The following CDH18 variants were observed in gnomAD, a reference collection of about 807,000 sequenced individuals.
CDH18 encodes the protein cadherin 18.
In CDH18, 31 loss-of-function variants were observed where a neutral mutation model predicts 67.9. The ratio of observed to expected loss-of-function variants is 0.46; its 90% CI spans 0.34 to 0.62. The LOEUF (loss-of-function observed/expected upper bound fraction) is 0.62. Ranked by LOEUF, CDH18 falls within the 20% of genes least tolerant of loss-of-function variation. The pLI, the probability that CDH18 is intolerant of heterozygous loss-of-function variation, is 0.01. For missense variants in CDH18, 890 were observed against 975.5 expected, an observed-to-expected ratio of 0.91 and a Z score of 1.17; for synonymous variants, 362 against 347.2, an observed-to-expected ratio of 1.04 and a Z score of -0.48.
At position 19,761,537 on chromosome 5, in the gene CDH18, T is replaced by C. The variant is rs143437751; in HGVS notation, c.229-14301A>G. On this transcript the variant is annotated intron_variant, in intron 3 of 12. Transcript: ENST00000382275. ...TCCTTAGCATTTCTGGGTCTAATCA[T>C]ATTAGGCATCTAACTGCAGAAACCC... Among the ~76,000 whole-genome samples the C allele has an allele frequency of 3.8e-3, 585 of 152,086 alleles. 3 individuals are homozygous for C. The highest frequency in any genetic ancestry group is 0.013 in the African/African-American group (559 of 41,480).
intron 1 of CDH18, among the ~76,000 whole-genome samples, chr5:20,296,977 A>C (rs1747589539): frequency 1.3e-5 from 2 of 151,850 alleles, no homozygotes; most frequent in African/African-American, 2.4e-5. Context: ...CTGTAAATTT[A>C]TTTTATATTT....
chr5:19,844,189 A>G (rs6883590), intron 2 of CDH18, among the ~76,000 whole-genome samples: 124,352 of 152,056 alleles, frequency 0.82, 52,184 homozygotes, highest in Non-Finnish European at 0.91. Context: ...CAAGATTTGC[A>G]AGGGGTCAGG....
chr5:20,333,165 T>C (rs1739341803), intron 1 of CDH18, among the ~76,000 whole-genome samples: 1 of 151,938 alleles, frequency 6.6e-6, no homozygotes, highest in South Asian at 2.1e-4. Context: ...ACAACATTGA[T>C]AGGAAGTTTA....
At chr5:19,772,514 A>AG (rs1296531398) in intron 3 of CDH18, among the ~76,000 whole-genome samples, 1 of 152,172 alleles carries the variant, frequency 6.6e-6, no homozygotes, top group Admixed American at 6.5e-5. Flanking sequence ...CTGAAAAAAA[A>AG]CAGAATCTCC....
In CDH18 at chr5:19,585,659, G is replaced by A. The variant is rs144012547; in HGVS notation, c.999+5398C>T. On this transcript the variant is annotated intron_variant, in intron 7 of 12. Coordinates refer to ENST00000382275, the MANE Select transcript of CDH18 (RefSeq NM_004934.5). Reference sequence around the variant, plus strand: ...TGTCTGTATTGAGCTTTTTGTCCCTGTGCATAGAAACACTCTTGTCTCCCA... The same window carrying A: ...TGTCTGTATTGAGCTTTTTGTCCCTATGCATAGAAACACTCTTGTCTCCCA... 2.6e-3 allele frequency among the ~76,000 whole-genome samples: 398 copies of A among 152,152 alleles called. 5 individuals are homozygous for A. Among genetic ancestry groups the A allele is most frequent in the Non-Finnish European group, 6.6e-4 (45 of 67,996 alleles).
chr5:19,811,068 G>T (rs760159908), intron 3 of CDH18, among the ~76,000 whole-genome samples: 2 of 133,364 alleles, frequency 1.5e-5, no homozygotes, highest in Non-Finnish European at 3.2e-5. Context: ...AAAGGGAAGG[G>T]AGAAAGAGAA....
chr5:20,172,931 A>G (rs1034856051), intron 2 of CDH18, among the ~76,000 whole-genome samples: 9 of 151,828 alleles, frequency 5.9e-5, no homozygotes, highest in Non-Finnish European at 1.3e-4. Context: ...CGGAGGTTGC[A>G]GTGAGCCGAG....
At chr5:19,994,855 T>TATATATATATATAGAGAGAGAG (rs760777430) in intron 2 of CDH18, among the ~76,000 whole-genome samples, 3 of 67,586 alleles carry the variant, frequency 4.4e-5, no homozygotes, top group African/African-American at 7.4e-5. Flanking sequence ...TATATATATA[T>TATATATATATATAGAGAGAGAG]AGAGAGAGAG....
At chr5:19,505,081 T>C (rs1189751486) in intron 10 of CDH18, among the ~76,000 whole-genome samples, 1 of 152,138 alleles carries the variant, frequency 6.6e-6, no homozygotes, top group Non-Finnish European at 1.5e-5. Context: ...ACAGATAATT[T>C]CAAATGCGAA....
Position 19,811,125 on chromosome 5 carries a change from A to G in CDH18, c.228+27634T>C, listed in dbSNP as rs1162293779. Among the ~76,000 whole-genome samples the G allele has an allele frequency of 2.4e-5, 3 of 123,568 alleles. 1 individual carries two copies. The highest frequency in any genetic ancestry group is 1.7e-4 in the Admixed American group (2 of 11,798). 81.1% of individuals were successfully genotyped at this position (123,568 alleles called of 152,430 possible). A position where few individuals can be genotyped will look rare whatever the true frequency, so the allele number is the denominator to read the frequency against. ...AAGAAAGAAAGAAAGAAAGAAAGAA[A>G]GAAAGAAAGAAAGAAAGAAAGAAAG... On this transcript the variant is annotated intron_variant, in intron 3 of 12. Coordinates refer to ENST00000382275, the MANE Select transcript of CDH18 (RefSeq NM_004934.5).
At chr5:19,536,007 T>A (rs999480544) in intron 9 of CDH18, among the ~76,000 whole-genome samples, 1 of 152,180 alleles carries the variant, frequency 6.6e-6, no homozygotes, top group Non-Finnish European at 1.5e-5. Context: ...TAGTGAATCA[T>A]GAAGTTGTTG....
At chr5:19,801,677 T>G (rs1407221869) in intron 3 of CDH18, among the ~76,000 whole-genome samples, 1 of 152,222 alleles carries the variant, frequency 6.6e-6, no homozygotes, top group African/African-American at 2.4e-5. Flanking sequence ...TTTTAATATA[T>G]CAGCCCAAAT....
In CDH18 at chr5:19,675,437, G is replaced by A. The variant is rs969823324; in HGVS notation, c.643+45910C>T. Among the ~76,000 whole-genome samples, 5 of 151,824 alleles carry A rather than the reference G, an allele frequency of 3.3e-5. No homozygotes were observed. In the East Asian group the frequency reaches 5.9e-4, roughly 18 times the overall value. On this transcript the variant is annotated intron_variant, in intron 5 of 12. Transcript: ENST00000382275. ...AACGTAAAAGACAGATGTCCCCAAT[G>A]GAGCCATTTCAGAGGCCTCCCCTTA...
rs1740800273 is a variant in CDH18, at chr5:20,045,243, GTGTATTCTCACAATT to G, written c.-517-53244_-517-53230del. ...TTTTGAAACTCAATGGAATCATAATGTGTATTCTCACAATTCAAGGCATAATTGTTGGCTATTGAT... is the reference window on the plus strand; with the variant it reads ...TTTTGAAACTCAATGGAATCATAATGCAAGGCATAATTGTTGGCTATTGAT... On this transcript the variant is annotated intron_variant, in intron 2 of 14. Transcript: ENST00000507958. Among the ~76,000 whole-genome samples, 2 of 152,120 alleles carry G rather than the reference GTGTATTCTCACAATT, an allele frequency of 1.3e-5. 1 individual carries two copies. The highest frequency in any genetic ancestry group is 4.1e-4 in the South Asian group (2 of 4,832).
chr5:19,713,018 T>C (rs1764905387), intron 5 of CDH18, among the ~76,000 whole-genome samples: 1 of 151,970 alleles, frequency 6.6e-6, no homozygotes, highest in Non-Finnish European at 1.5e-5. Flanking sequence ...TTTCCTGTTA[T>C]CTATTGATTT....
chr5:19,487,472 A>G (rs1249653569), intron 11 of CDH18, among the ~76,000 whole-genome samples: 3 of 152,204 alleles, frequency 2.0e-5, no homozygotes, highest in Admixed American at 6.6e-5. Flanking sequence ...TAGTTTGGAA[A>G]ATATTTCACA....
At chr5:20,022,303 GT>G (rs1738500248) in intron 2 of CDH18, among the ~76,000 whole-genome samples, 1 of 152,158 alleles carries the variant, frequency 6.6e-6, no homozygotes, top group Admixed American at 6.5e-5. Flanking sequence ...GAAGTAGCTG[GT>G]AAGGTTTGGA....
At chr5:20,328,508 T>TGAGAGA (rs1186669088) in intron 1 of CDH18, among the ~76,000 whole-genome samples, 1 of 112,012 alleles carries the variant, frequency 8.9e-6, no homozygotes, top group Admixed American at 1.0e-4. Flanking sequence ...TGTGTGTGTG[T>TGAGAGA]GAGAGAGAGA....
intron 11 of CDH18, among the ~76,000 whole-genome samples, chr5:19,494,625 T>C (rs1054757450): frequency 1.3e-5 from 2 of 152,190 alleles, no homozygotes; most frequent in African/African-American, 4.8e-5. Flanking sequence ...GTTCAATATG[T>C]CCTAATTCAT....
Sources: allele counts gnomAD v4.1 joint callset (sites outside exome capture counted in the v4.1 genomes callset), GRCh38; gene constraint gnomAD v4.1.1; transcripts MANE v1.5; gene names NCBI Gene and HGNC (gene_info 2026-07-23, HGNC 2026-07-21).